Variants in FAM193A observed in about 807,000 individuals in gnomAD.
The protein encoded by FAM193A is protein FAM193A.
FAM193A carries 22 observed loss-of-function variants against 126.5 expected under a neutral mutation model. The observed-to-expected ratio is 0.17, with a 90% confidence interval of 0.12 to 0.25. FAM193A has a LOEUF of 0.25. Ranked by LOEUF, FAM193A falls within the 10% of genes least tolerant of loss-of-function variation. The probability of loss-of-function intolerance (pLI) is 1.00; values close to 1 mark genes in which losing one functional copy is unlikely to be tolerated. For missense variants in FAM193A, 1,675 were observed against 1,672.8 expected (o/e 1.00, Z -0.02); for synonymous variants, 761 against 646.8 (o/e 1.18, Z -2.68).
At chr4:2,629,064 G>C (rs1743276814) in intron 4 of FAM193A, among the ~76,000 whole-genome samples, 3 of 152,036 alleles carry the variant, frequency 2.0e-5, no homozygotes. Flanking sequence ...GTGTTAGCCA[G>C]GATGGTCTCA....
intron 4 of FAM193A, 31 bp from the exon 5 acceptor site, chr4:2,630,904 G>GCAGGCCCTGGTGAC: frequency 7.6e-7 from 1 of 1,321,462 alleles, no homozygotes; most frequent in African/African-American, 1.4e-5. Context: ...GCCCTGGTGG[G>GCAGGCCCTGGTGAC]CAGGCCCTGG....
Position 2,646,627 on chromosome 4 carries a change from A to G in FAM193A, c.1164-58A>G, listed in dbSNP as rs760785055. ...AGTATCAGCAGGAAGCACATTTCTG[A>G]TCTCTGCTTCAGAGCCTTTGGGTTC... is the stretch of plus-strand genomic sequence containing the variant. On this transcript the variant is annotated intron_variant, in intron 6 of 20. Transcript: ENST00000637812. 1.3e-5 allele frequency: 19 copies of G among 1,518,092 alleles called. No individual in the cohort carries two copies. In the East Asian group the frequency reaches 3.5e-4, roughly 28 times the overall value. The allele number at this position is 1,518,092 out of a possible 1,614,324, so 94.0% of individuals were successfully genotyped here.
intron 1 of FAM193A, among the ~76,000 whole-genome samples, chr4:2,589,320 A>G (rs1267544044): frequency 2.6e-5 from 4 of 152,250 alleles, no homozygotes; most frequent in African/African-American, 7.2e-5. Flanking sequence ...TAATAGGGCA[A>G]TTCAGGAGCA....
At chr4:2,573,858 C>T (rs1490051391) in intron 1 of FAM193A, among the ~76,000 whole-genome samples, 1 of 152,056 alleles carries the variant, frequency 6.6e-6, no homozygotes, top group Non-Finnish European at 1.5e-5. Flanking sequence ...GAGGGGTGCA[C>T]CCGGCTCTTT....
chr4:2,690,989 C>T lies in FAM193A; in HGVS notation c.2803+19C>T, dbSNP rs758708413. The T allele has an allele frequency of 3.7e-6, 6 of 1,602,020 alleles. No individual in the cohort carries two copies. Among genetic ancestry groups the T allele is most frequent in the Non-Finnish European group, 5.1e-6 (6 of 1,172,336 alleles). The stretch of plus-strand genomic sequence containing the variant: ...TCAGTAGGTAAGGCTTGAAGGCTCA[C>T]TGGCCCTCGGGGTCTGCAGGAAGGC... On this transcript the variant is annotated intron_variant, in intron 15 of 20. Transcript: ENST00000637812.
At chr4:2,611,723 T>C (rs1001442087) in intron 2 of FAM193A, among the ~76,000 whole-genome samples, 3 of 152,224 alleles carry the variant, frequency 2.0e-5, no homozygotes, top group Non-Finnish European at 2.9e-5. Flanking sequence ...ATAATCTCAA[T>C]ACAAGCCCTT....
At chr4:2,536,285 C>T (rs752808936), upstream of FAM193A, among the ~76,000 whole-genome samples, 3 of 151,542 alleles carry the variant, frequency 2.0e-5, no homozygotes, top group Non-Finnish European at 4.4e-5. Context: ...CTACGCCCGA[C>T]CACAACGCCC....
chr4:2,616,614 G>A (rs1201012497), intron 2 of FAM193A, among the ~76,000 whole-genome samples: 1 of 151,450 alleles, frequency 6.6e-6, no homozygotes, highest in East Asian at 2.0e-4. Flanking sequence ...CTGGAGTGCA[G>A]TGGCGAGTGA....
intron 1 of FAM193A, among the ~76,000 whole-genome samples, chr4:2,565,825 G>C (rs1470414716): frequency 6.6e-6 from 1 of 152,166 alleles, no homozygotes; most frequent in African/African-American, 2.4e-5. Context: ...AGACACAGGG[G>C]TTTGCTGGCT....
At position 2,696,446 on chromosome 4, in the gene FAM193A, A is replaced by G. The variant is rs371223140; in HGVS notation, c.3360A>G (p.Gln1120=). 6.2e-7 allele frequency: 1 copy of G among 1,614,208 alleles called. No individual in the cohort carries two copies. Among genetic ancestry groups the G allele is most frequent in the Non-Finnish European group, 8.5e-7 (1 of 1,180,004 alleles). Residue 1120 remains glutamine (Q), a synonymous_variant, in exon 18 of 21, where the codon CAA becomes CAG. Coordinates refer to ENST00000637812, the MANE Select transcript of FAM193A (RefSeq NM_001366318.2). ...RLRLTKRKEE[Q]PKKMDQISER... ...GGCTGACCAAGAGGAAAGAGGAGCA[A>G]CCTAAAAAAATGGACCAGATCTCAG... is the stretch of plus-strand genomic sequence containing the variant.
chr4:2,596,519 C>A (rs1015492226), intron 2 of FAM193A, among the ~76,000 whole-genome samples, 190 bp downstream of exon 2: 2 of 152,234 alleles, frequency 1.3e-5, no homozygotes, highest in African/African-American at 4.8e-5. Context: ...GGTGGCAGGA[C>A]ACCTGCCCTC....
At chr4:2,627,073 C>A (rs890811027) in intron 4 of FAM193A, among the ~76,000 whole-genome samples, 2 of 151,892 alleles carry the variant, frequency 1.3e-5, no homozygotes, top group African/African-American at 4.8e-5. Context: ...ATGCCGCAGC[C>A]GTTCTTCAGC....
In FAM193A at chr4:2,631,261, C is replaced by T. The variant is rs564225899; in HGVS notation, c.1038+92C>T. ...GCTTCTCACGCATGTGTGCCGACCTCGCTGTCACACCCCCACACACTGTGA... is the reference window on the plus strand; with the variant it reads ...GCTTCTCACGCATGTGTGCCGACCTTGCTGTCACACCCCCACACACTGTGA... On this transcript the variant is annotated intron_variant, in intron 5 of 20. Coordinates refer to ENST00000637812, the MANE Select transcript of FAM193A (RefSeq NM_001366318.2). 8.0e-5 allele frequency: 92 copies of T among 1,147,524 alleles called. No individual in the cohort carries two copies. In the South Asian group the frequency reaches 8.9e-4, roughly 11 times the overall value. 71.1% of individuals were successfully genotyped at this position (1,147,524 alleles called of 1,614,324 possible).
intron 1 of FAM193A, among the ~76,000 whole-genome samples, chr4:2,554,470 C>A (rs1238819187): frequency 6.6e-6 from 1 of 151,996 alleles, no homozygotes; most frequent in Non-Finnish European, 1.5e-5. Context: ...TTAAGTTTTT[C>A]AAAAAATTTA....
chr4:2,577,924 T>G (rs1739700925), intron 1 of FAM193A, among the ~76,000 whole-genome samples: 1 of 152,242 alleles, frequency 6.6e-6, no homozygotes, highest in Non-Finnish European at 1.5e-5. Flanking sequence ...TCAGTTTTGT[T>G]GTTTTTCTGA....
intron 2 of FAM193A, among the ~76,000 whole-genome samples, chr4:2,597,840 T>TA (rs1394314106): frequency 9.9e-5 from 15 of 152,102 alleles, no homozygotes; most frequent in Non-Finnish European, 5.9e-5. Flanking sequence ...CATCACCCCA[T>TA]AAAATCCCCT....
chr4:2,655,161 C>T (rs1234392972), intron 7 of FAM193A: 5 of 677,222 alleles, frequency 7.4e-6, no homozygotes, highest in Admixed American at 4.3e-5. Context: ...TTGATGCTTG[C>T]CATACAGACT....
intron 19 of FAM193A, chr4:2,715,447 T>TA (rs1208809386): frequency 6.0e-5 from 58 of 961,776 alleles, no homozygotes; most frequent in Middle Eastern, 5.3e-4. Flanking sequence ...AGACTTCATA[T>TA]AAAAAAAAGA....
rs80348772 is a variant in FAM193A, at chr4:2,667,234, C to G, written c.2079+3946C>G. 1.1e-3 allele frequency among the ~76,000 whole-genome samples: 160 copies of G among 152,286 alleles called. No homozygotes were observed. The East Asian group carries it at 0.03, about 29-fold the overall frequency. On this transcript the variant is annotated intron_variant, in intron 12 of 20. Transcript: ENST00000637812. ...TATTGTCTTGGTCTATCCAGGCTAC[C>G]ATGTAAGGACAGTAACCCCATTCCT...
Sources: gnomAD v4.1 joint callset for allele counts (sites outside exome capture counted in the v4.1 genomes callset) on GRCh38, gnomAD v4.1.1 for gene constraint, MANE v1.5 for transcripts, NCBI Gene and HGNC (gene_info 2026-07-23, HGNC 2026-07-21) for gene names.